S100Z: variants seen among roughly 807,000 people sequenced by gnomAD.
S100Z encodes S100 calcium binding protein Z.
A neutral mutation model predicts 8.5 loss-of-function variants in S100Z; 11 were observed. The ratio of observed to expected loss-of-function variants is 1.30; its 90% CI spans 0.82 to 2.15. S100Z has a LOEUF of 2.15. S100Z is among the 30% of genes most tolerant of loss of function. The pLI, the probability that S100Z is intolerant of heterozygous loss-of-function variation, is 0.00. For missense variants in S100Z, 126 were observed against 117.9 expected (o/e 1.07, Z -0.32); for synonymous variants, 34 against 43.8 (o/e 0.78, Z 0.89).
intron 4 of S100Z, among the ~76,000 whole-genome samples, chr5:76,904,515 A>G (rs1445348747): frequency 2.6e-5 from 4 of 152,182 alleles, no homozygotes; most frequent in African/African-American, 9.7e-5. Context: ...TCCTGACCTC[A>G]TGAGATAAAA....
At position 76,921,135 on chromosome 5, in the gene S100Z, T is replaced by C. The variant is rs544312780; in HGVS notation, c.*421T>C. 1.3e-5 allele frequency: 2 copies of C among 152,336 alleles called. No individual in the cohort carries two copies. Among genetic ancestry groups the C allele is most frequent in the South Asian group, 2.1e-4 (1 of 4,830 alleles). 9.4% of individuals were successfully genotyped at this position (152,336 alleles called of 1,614,324 possible). A position where few individuals can be genotyped will look rare whatever the true frequency, so the allele number is the denominator to read the frequency against. On this transcript the variant is annotated 3_prime_UTR_variant, in exon 5 of 5. Transcript: ENST00000317593. ...TTCGAATTTTCCCTAGGTCCATGTATCTATATATCTATGGTTCATAAAAAT... is the reference window on the plus strand; with the variant it reads ...TTCGAATTTTCCCTAGGTCCATGTACCTATATATCTATGGTTCATAAAAAT...
At chr5:76,940,688 C>A in the S100Z span, among the ~76,000 whole-genome samples, 2 of 152,208 alleles carry the variant, frequency 1.3e-5, no homozygotes, top group Non-Finnish European at 2.9e-5. Context: ...GCTGGGATTA[C>A]AGGCGTGAGC....
intron 1 of S100Z, among the ~76,000 whole-genome samples, chr5:76,869,709 A>G (rs1742934601): frequency 6.6e-6 from 1 of 152,082 alleles, no homozygotes; most frequent in Non-Finnish European, 1.5e-5. Context: ...AGAGAAGTGG[A>G]CCAGTTTAGC....
intron 4 of S100Z, among the ~76,000 whole-genome samples, chr5:76,910,194 G>A (rs2150679145): frequency 6.6e-6 from 1 of 152,278 alleles, no homozygotes; most frequent in African/African-American, 2.4e-5. Flanking sequence ...GAGCAGCTAT[G>A]GGAGGCCTTA....
chr5:76,930,704 C>T, the S100Z span, among the ~76,000 whole-genome samples: 1 of 152,268 alleles, frequency 6.6e-6, no homozygotes, highest in African/African-American at 2.4e-5. Flanking sequence ...CTATTTAATA[C>T]CACTGAGCTC....
intron 1 of S100Z, among the ~76,000 whole-genome samples, chr5:76,858,497 G>A (rs531365427): frequency 8.6e-5 from 13 of 151,620 alleles, no homozygotes; most frequent in Admixed American, 1.3e-4. Context: ...CATTCCAGCC[G>A]GGGCAGCAGA....
chr5:76,912,572 TA>T (rs1309009959), intron 4 of S100Z, among the ~76,000 whole-genome samples: 3 of 151,962 alleles, frequency 2.0e-5, no homozygotes, highest in Non-Finnish European at 4.4e-5. Context: ...GAAAAAAAAA[TA>T]AATGTGTATA....
At chr5:76,896,288 G>A (rs1160833200) in intron 4 of S100Z, among the ~76,000 whole-genome samples, 2 of 152,154 alleles carry the variant, frequency 1.3e-5, no homozygotes, top group Non-Finnish European at 1.5e-5. Flanking sequence ...GACATGCGAT[G>A]TTTGTCTTTC....
chr5:76,856,374 A>G (rs1369622402), intron 1 of S100Z, among the ~76,000 whole-genome samples: 1 of 152,092 alleles, frequency 6.6e-6, no homozygotes, highest in African/African-American at 2.4e-5. Context: ...CAATGTTTGT[A>G]TTTTTAGTAG....
At chr5:76,939,352 C>T in the S100Z span, among the ~76,000 whole-genome samples, 2 of 151,312 alleles carry the variant, frequency 1.3e-5, no homozygotes, top group Non-Finnish European at 1.5e-5. Flanking sequence ...TGGGGTTTCA[C>T]TGTGTTAGCC....
At chr5:76,858,212 T>A (rs1750938372) in intron 1 of S100Z, among the ~76,000 whole-genome samples, 1 of 152,178 alleles carries the variant, frequency 6.6e-6, no homozygotes. Flanking sequence ...ACCAACTGGC[T>A]TAGGGAACAT....
the S100Z span, among the ~76,000 whole-genome samples, chr5:76,940,137 C>A: frequency 8.6e-6 from 1 of 116,086 alleles, no homozygotes; most frequent in African/African-American, 3.4e-5. Context: ...AGCCTGGCAA[C>A]AGAGCAAGAC....
chr5:76,910,179 T>C (rs1744598536), intron 4 of S100Z, among the ~76,000 whole-genome samples: 1 of 152,222 alleles, frequency 6.6e-6, no homozygotes, highest in African/African-American at 2.4e-5. Context: ...CCTTCTGCTA[T>C]CCTTGAGCAG....
At chr5:76,938,712 T>C in the S100Z span, among the ~76,000 whole-genome samples, 1 of 152,228 alleles carries the variant, frequency 6.6e-6, no homozygotes, top group South Asian at 2.1e-4. Flanking sequence ...TAGTTTTAGT[T>C]TTTACGTCTA....
intron 4 of S100Z, 88 bp downstream of exon 4, chr5:76,877,922 T>G: frequency 1.3e-6 from 1 of 769,850 alleles, no homozygotes; most frequent in Non-Finnish European, 2.1e-6. Flanking sequence ...ATAGACCCAG[T>G]AATGTCATTT....
the S100Z span, among the ~76,000 whole-genome samples, chr5:76,930,413 A>G: frequency 1.3e-5 from 2 of 152,210 alleles, no homozygotes; most frequent in African/African-American, 4.8e-5. Flanking sequence ...TAGGAACACA[A>G]TAGAACCAGG....
downstream of S100Z, among the ~76,000 whole-genome samples, chr5:76,925,529 A>G (rs1745124464): frequency 6.6e-6 from 1 of 151,994 alleles, no homozygotes. Flanking sequence ...TTGCAATTGC[A>G]TGATTTGTTC....
At chr5:76,926,764 G>A in the S100Z span, among the ~76,000 whole-genome samples, 1 of 152,182 alleles carries the variant, frequency 6.6e-6, no homozygotes, top group Non-Finnish European at 1.5e-5. Context: ...CTCAGGAATT[G>A]ACAGTTTCCA....
At chr5:76,906,641 G>GTT (rs70982662) in intron 4 of S100Z, among the ~76,000 whole-genome samples, 56 of 149,102 alleles carry the variant, frequency 3.8e-4, no homozygotes, top group Admixed American at 8.0e-4. Context: ...TTTGTTTTTT[G>GTT]TTTTTTTTTG....
Sources: allele counts gnomAD v4.1 joint callset (sites outside exome capture counted in the v4.1 genomes callset), GRCh38; gene constraint gnomAD v4.1.1; transcripts MANE v1.5; gene names NCBI Gene and HGNC (gene_info 2026-07-23, HGNC 2026-07-21).